Variants in SORCS3 observed in about 807,000 individuals in gnomAD.
SORCS3 encodes VPS10 domain-containing receptor SorCS3.
A neutral mutation model predicts 146.3 loss-of-function variants in SORCS3; 57 were observed. The observed-to-expected ratio is 0.39, with a 90% CI of 0.31 to 0.49. The LOEUF (loss-of-function observed/expected upper bound fraction) is 0.49, where lower values mean the gene tolerates loss of function less well. Among genes scored for constraint, SORCS3 ranks in the 20% least tolerant of loss-of-function variants. The probability of loss-of-function intolerance (pLI) is 0.92; values close to 1 mark genes in which losing one functional copy is unlikely to be tolerated. For synonymous variants in SORCS3, 653 were observed against 618.5 expected (o/e 1.06, Z -0.83); for missense variants, 1,341 against 1,575.5 (o/e 0.85, Z 2.52).
At chr10:104,643,321 C>T (rs1216246930) in intron 1 of SORCS3, among the ~76,000 whole-genome samples, 1 of 152,160 alleles carries the variant, frequency 6.6e-6, no homozygotes, top group Non-Finnish European at 1.5e-5. Context: ...GATTGGGTAT[C>T]TAATAAGAGG....
chr10:104,922,063 C>T (rs768324331), intron 3 of SORCS3, among the ~76,000 whole-genome samples: 3 of 152,126 alleles, frequency 2.0e-5, no homozygotes, highest in African/African-American at 7.2e-5. Flanking sequence ...CGAGAGGCAC[C>T]GCGTGTGTGG....
At chr10:104,804,289 A>G (rs1432684833) in intron 1 of SORCS3, among the ~76,000 whole-genome samples, 1 of 152,222 alleles carries the variant, frequency 6.6e-6, no homozygotes, top group Non-Finnish European at 1.5e-5. Flanking sequence ...CCAAATTAGG[A>G]TTTGAATTTC....
chr10:105,031,363 A>AC (rs1491290428), intron 4 of SORCS3, among the ~76,000 whole-genome samples: 1 of 148,224 alleles, frequency 6.7e-6, no homozygotes, highest in Admixed American at 6.6e-5. Flanking sequence ...ACACACACAC[A>AC]AAAACATGTA....
At chr10:104,804,203 G>A (rs796932007) in intron 1 of SORCS3, among the ~76,000 whole-genome samples, 22 of 152,318 alleles carry the variant, frequency 1.4e-4, no homozygotes, top group African/African-American at 4.6e-4. Context: ...TCTAGAATGC[G>A]AATTTTGAAG....
chr10:105,235,894 C>T (rs556710897), intron 20 of SORCS3, among the ~76,000 whole-genome samples: 41 of 152,154 alleles, frequency 2.7e-4, no homozygotes, highest in African/African-American at 9.4e-4. Flanking sequence ...GTTGTGAAAA[C>T]TATGCTATTT....
chr10:104,829,822 C>T (rs938103862), intron 1 of SORCS3, among the ~76,000 whole-genome samples: 1 of 152,150 alleles, frequency 6.6e-6, no homozygotes, highest in Admixed American at 6.5e-5. Context: ...AACCCATGTT[C>T]TCCTTGATAT....
At chr10:104,747,040 CTG>C (rs1437505788) in intron 1 of SORCS3, among the ~76,000 whole-genome samples, 1 of 152,196 alleles carries the variant, frequency 6.6e-6, no homozygotes, top group Non-Finnish European at 1.5e-5. Flanking sequence ...AACTCCAAGT[CTG>C]TGTGAATTCA....
intron 6 of SORCS3, among the ~76,000 whole-genome samples, chr10:105,090,375 C>G (rs971506150): frequency 1.3e-5 from 2 of 152,122 alleles, no homozygotes; most frequent in African/African-American, 4.8e-5. Flanking sequence ...AGGGACTCTT[C>G]TAGCAGTGAA....
intron 4 of SORCS3, among the ~76,000 whole-genome samples, chr10:104,983,299 C>T (rs553919413): frequency 1.3e-5 from 2 of 151,260 alleles, no homozygotes; most frequent in Non-Finnish European, 2.9e-5. Context: ...ATGCACCGCA[C>T]CCAGCCCCAA....
chr10:104,976,954 A>G (rs2133649483), intron 3 of SORCS3, among the ~76,000 whole-genome samples: 1 of 152,228 alleles, frequency 6.6e-6, no homozygotes, highest in East Asian at 1.9e-4. Context: ...GATATATCTA[A>G]TGCTAAATGA....
intron 1 of SORCS3, among the ~76,000 whole-genome samples, chr10:104,835,695 G>A (rs572922648): frequency 4.6e-5 from 7 of 152,118 alleles, no homozygotes; most frequent in Non-Finnish European, 7.4e-5. Flanking sequence ...TCTGATTTGC[G>A]GCCTCCTGCA....
At chr10:105,127,954 G>A (rs565053616) in intron 7 of SORCS3, among the ~76,000 whole-genome samples, 54 of 152,262 alleles carry the variant, frequency 3.5e-4, no homozygotes, top group Non-Finnish European at 6.2e-4. Context: ...AGGCTCTGGC[G>A]TAGACACTTT....
intron 2 of SORCS3, among the ~76,000 whole-genome samples, chr10:104,871,344 C>T (rs2018516915): frequency 6.6e-6 from 1 of 152,126 alleles, no homozygotes; most frequent in Non-Finnish European, 1.5e-5. Context: ...GTGGAAAGTC[C>T]GCTCCTAAAC....
At chr10:104,837,316 A>G (rs777053847) in intron 1 of SORCS3, among the ~76,000 whole-genome samples, 1 of 152,236 alleles carries the variant, frequency 6.6e-6, no homozygotes, top group African/African-American at 2.4e-5. Flanking sequence ...AAGATGTCAG[A>G]TGCCAATTTA....
intron 1 of SORCS3, among the ~76,000 whole-genome samples, chr10:104,726,683 CT>C (rs1282367370): frequency 6.6e-6 from 1 of 152,042 alleles, no homozygotes; most frequent in African/African-American, 2.4e-5. Context: ...TCTTCAATAG[CT>C]CTCTGTTGTC....
intron 5 of SORCS3, among the ~76,000 whole-genome samples, chr10:105,043,950 C>T (rs2055353425): frequency 6.6e-6 from 1 of 152,000 alleles, no homozygotes; most frequent in African/African-American, 2.4e-5. Flanking sequence ...CACTTGCTTG[C>T]TATAACATGA....
intron 1 of SORCS3, among the ~76,000 whole-genome samples, chr10:104,810,550 C>T (rs1244137097): frequency 6.6e-6 from 1 of 152,088 alleles, no homozygotes; most frequent in Non-Finnish European, 1.5e-5. Flanking sequence ...GATTATTTGG[C>T]TGTTTATGTT....
chr10:105,150,141 T>C (rs983695764), intron 9 of SORCS3, among the ~76,000 whole-genome samples: 1 of 152,146 alleles, frequency 6.6e-6, no homozygotes, highest in Non-Finnish European at 1.5e-5. Flanking sequence ...TGTTGGGTTT[T>C]GAGGGGGTCA....
Position 104,967,458 on chromosome 10 carries a change from C to T in SORCS3, c.796-9877C>T, listed in dbSNP as rs570175090. 9.2e-5 allele frequency among the ~76,000 whole-genome samples: 14 copies of T among 152,254 alleles called. No individual in the cohort carries two copies. The East Asian group carries it at 2.7e-3, about 29-fold the overall frequency. ...TGTTAACTATATGCACATTGTACAG[C>T]ATATCTCTAGAATTATTTCATCTTG... On this transcript the variant is annotated intron_variant, in intron 3 of 26. Transcript: ENST00000369701.
Sources: allele counts gnomAD v4.1 joint callset (sites outside exome capture counted in the v4.1 genomes callset), GRCh38; gene constraint gnomAD v4.1.1; transcripts MANE v1.5; gene names NCBI Gene and HGNC (gene_info 2026-07-23, HGNC 2026-07-21).